The following FAT3 variants were observed in gnomAD, a reference collection of about 807,000 sequenced individuals.
The protein encoded by FAT3 is protocadherin Fat 3.
Under a neutral mutation model 310.2 loss-of-function variants are expected in FAT3, and 95 were observed. That is an observed-to-expected ratio of 0.31 (90% CI 0.26 to 0.36). FAT3 has a LOEUF of 0.36. Ranked by LOEUF, FAT3 falls within the 10% of genes least tolerant of loss-of-function variation. The probability of loss-of-function intolerance (pLI) is 1.00; values close to 1 mark genes in which losing one functional copy is unlikely to be tolerated. For synonymous variants in FAT3, 2,314 were observed against 2,192.9 expected, an observed-to-expected ratio of 1.06 and a Z score of -1.54; for missense variants, 5,408 against 5,715.6, an observed-to-expected ratio of 0.95 and a Z score of 1.74.
rs1947246394 is a variant in FAT3 at position 92,798,783 on chromosome 11, G to A, written c.5770G>A (p.Glu1924Lys). Residue 1924 changes from glutamate to lysine, a missense_variant, in exon 10 of 28, where the codon GAA becomes AAA. Physicochemically the swap from Glu to Lys is moderately conservative, Grantham distance 56. Transcript: ENST00000525166. ...VPPELTYSLM[E>K]GSLDHFLIDS... ...CCCTGAACTGACATACAGCCTAATG[G>A]AAGGCAGTTTGGATCATTTTTTAAT... 6.2e-7 allele frequency: 1 copy of A among 1,613,706 alleles called. No individual in the cohort carries two copies. The highest frequency in any genetic ancestry group is 1.7e-5 in the Admixed American group (1 of 59,980).
chr11:92,509,027 T>C (rs542598987), intron 2 of FAT3, among the ~76,000 whole-genome samples: 8 of 152,296 alleles, frequency 5.3e-5, no homozygotes, highest in Admixed American at 6.5e-5. Context: ...CAGCACTATC[T>C]TTCTATCAAC....
At chr11:92,681,372 C>A (rs1943476225) in intron 3 of FAT3, among the ~76,000 whole-genome samples, 1 of 152,076 alleles carries the variant, frequency 6.6e-6, no homozygotes, top group Non-Finnish European at 1.5e-5. Context: ...AAAGAATTAG[C>A]CATGCAGACA....
chr11:92,547,980 A>T (rs931704033), intron 3 of FAT3, among the ~76,000 whole-genome samples: 2 of 152,192 alleles, frequency 1.3e-5, no homozygotes, highest in Non-Finnish European at 2.9e-5. Context: ...GGAGACAGGT[A>T]GACATCTTCG....
At position 92,353,985 on chromosome 11, in the gene FAT3, T is replaced by C. The variant is rs757111863; in HGVS notation, c.1873T>C (p.Tyr625His). Residue 625 changes from tyrosine to histidine, a missense_variant, in exon 2 of 28, where the codon TAT becomes CAT. Physicochemically the swap from Tyr to His is moderately conservative, Grantham distance 83. This residue lies in a region of FAT3 where 4,588 missense variants were observed against 4,809.8 expected (regional missense o/e 0.95). Transcript: ENST00000525166. ...IISGNELGFF[Y>H]LNPDSGVLQL... ...TTCTGGAAATGAACTTGGCTTCTTT[T>C]ATTTAAACCCAGATTCTGGTGTTTT... 1.2e-6 allele frequency: 2 copies of C among 1,612,996 alleles called. No homozygotes were observed. Among genetic ancestry groups the C allele is most frequent in the Non-Finnish European group, 1.7e-6 (2 of 1,179,380 alleles).
At position 92,765,021 on chromosome 11, in the gene FAT3, G is replaced by C. The variant is rs569373911; in HGVS notation, c.4127G>C (p.Arg1376Thr). 4 of 1,613,866 alleles carry C rather than the reference G, an allele frequency of 2.5e-6. No homozygotes were observed. The highest frequency in any genetic ancestry group is 3.3e-5 in the Admixed American group (2 of 60,020). Residue 1376 changes from arginine (R) to threonine (T), a missense_variant, in exon 6 of 28, where the codon AGA (arginine) becomes ACA (threonine). Coordinates refer to ENST00000525166, the MANE Select transcript of FAT3 (RefSeq NM_001367949.2). ...FYNFTVMESD[R>T]VTEIVGVVSV... ...AACTTCACAGTCATGGAAAGTGATAGAGTGACTGAAATTGTAGGGGTGGTG... is the reference window on the plus strand; with the variant it reads ...AACTTCACAGTCATGGAAAGTGATACAGTGACTGAAATTGTAGGGGTGGTG...
chr11:92,890,885 T>C lies in FAT3; in HGVS notation c.13542T>C (p.Phe4514=). 3 of 1,613,998 alleles carry C rather than the reference T, an allele frequency of 1.9e-6. No individual in the cohort carries two copies. Among genetic ancestry groups the C allele is most frequent in the Non-Finnish European group, 2.5e-6 (3 of 1,179,890 alleles). Residue 4514 remains phenylalanine, a synonymous_variant, in exon 28 of 28, where the codon TTT becomes TTC. Transcript: ENST00000525166. Reference sequence around the variant, plus strand: ...TGGGCCCGCCTGCCAGCTGTGAATTTAGTACTTTTGCTGTGAGCATGAACC... The same window carrying C: ...TGGGCCCGCCTGCCAGCTGTGAATTCAGTACTTTTGCTGTGAGCATGAACC... The part of the protein sequence containing the change: ...DLVGPPASCE[F]STFAVSMNQG...
At chr11:92,748,838 T>A (rs1013237132) in intron 4 of FAT3, 2 of 152,232 alleles carry the variant, frequency 1.3e-5, no homozygotes, top group Non-Finnish European at 2.9e-5. Flanking sequence ...TTAAGTTTAG[T>A]TCAATGACTT....
chr11:92,496,426 C>A (rs1428945485), intron 2 of FAT3, among the ~76,000 whole-genome samples: 3 of 151,972 alleles, frequency 2.0e-5, no homozygotes, highest in African/African-American at 7.2e-5. Flanking sequence ...TATCTTCTTC[C>A]ATAGCCCCAT....
chr11:92,327,123 T>G (rs1947787936), intron 1 of FAT3, among the ~76,000 whole-genome samples: 1 of 152,132 alleles, frequency 6.6e-6, no homozygotes, highest in South Asian at 2.1e-4. Context: ...ATCATGCAAC[T>G]TATTACTGAA....
chr11:92,681,305 G>A (rs745799216), intron 3 of FAT3, among the ~76,000 whole-genome samples: 2 of 152,202 alleles, frequency 1.3e-5, no homozygotes, highest in Non-Finnish European at 1.5e-5. Flanking sequence ...GATGTAAGCA[G>A]AGAAGGGAAG....
At chr11:92,396,236 TCATGAATCTA>T (rs1949866171) in intron 2 of FAT3, among the ~76,000 whole-genome samples, 1 of 152,222 alleles carries the variant, frequency 6.6e-6, no homozygotes, top group Non-Finnish European at 1.5e-5. Context: ...ATGAATATGA[TCATGAATCTA>T]CTTTGTTCTG....
chr11:92,261,367 A>G (rs1165071753), intron 1 of FAT3, among the ~76,000 whole-genome samples: 1 of 152,062 alleles, frequency 6.6e-6, no homozygotes, highest in Non-Finnish European at 1.5e-5. Flanking sequence ...TGTGACTGAC[A>G]TGCATTGTTT....
At chr11:92,726,768 G>T (rs1463847725) in intron 4 of FAT3, among the ~76,000 whole-genome samples, 1 of 151,308 alleles carries the variant, frequency 6.6e-6, no homozygotes, top group African/African-American at 2.4e-5. Context: ...TTATTATCTA[G>T]TATCTGGGAC....
intron 20 of FAT3, among the ~76,000 whole-genome samples, chr11:92,857,598 T>G (rs1268182699): frequency 2.6e-5 from 4 of 152,176 alleles, no homozygotes; most frequent in Non-Finnish European, 4.4e-5. Context: ...ACATGTGTTT[T>G]TTATCATGTC....
At chr11:92,271,853 C>T (rs770925135) in intron 1 of FAT3, among the ~76,000 whole-genome samples, 4 of 152,096 alleles carry the variant, frequency 2.6e-5, no homozygotes, top group African/African-American at 7.2e-5. Flanking sequence ...CCTTCTTCTA[C>T]GTGCTGGAAG....
At chr11:92,448,989 A>G (rs1395078445) in intron 2 of FAT3, among the ~76,000 whole-genome samples, 8 of 152,150 alleles carry the variant, frequency 5.3e-5, no homozygotes, top group African/African-American at 1.7e-4. Context: ...GCTGGCTGAC[A>G]TTTTATGCCA....
At chr11:92,326,497 A>G (rs960928980) in intron 1 of FAT3, among the ~76,000 whole-genome samples, 2 of 152,234 alleles carry the variant, frequency 1.3e-5, no homozygotes, top group Non-Finnish European at 2.9e-5. Context: ...AAAGAAGGAA[A>G]CATTTCAACC....
chr11:92,859,075 C>T (rs1949055334), intron 20 of FAT3, 90 bp from the exon 21 acceptor site: 4 of 1,279,472 alleles, frequency 3.1e-6, no homozygotes, highest in Non-Finnish European at 3.2e-6. Flanking sequence ...CTTTAATCAA[C>T]TTGGTTGGTG....
intron 1 of FAT3, among the ~76,000 whole-genome samples, chr11:92,326,782 G>A (rs1419520906): frequency 6.6e-6 from 1 of 152,174 alleles, no homozygotes; most frequent in African/African-American, 2.4e-5. Flanking sequence ...AGAAACTGGA[G>A]TCTTATTTTC....
Sources: allele counts gnomAD v4.1 joint callset (sites outside exome capture counted in the v4.1 genomes callset), GRCh38; gene constraint gnomAD v4.1.1; regional missense constraint gnomAD v4.1.1; transcripts MANE v1.5; gene names NCBI Gene and HGNC (gene_info 2026-07-23, HGNC 2026-07-21).